Variants in POLA1 observed in about 807,000 individuals in gnomAD.
The protein encoded by POLA1 is DNA polymerase alpha 1, catalytic subunit, also known as DNA polymerase alpha catalytic subunit.
A neutral mutation model predicts 124.0 loss-of-function variants in POLA1; 15 were observed. The observed-to-expected ratio is 0.12, with a 90% CI of 0.08 to 0.19. The LOEUF is 0.19. Ranked by LOEUF, POLA1 falls within the 10% of genes least tolerant of loss-of-function variation. The pLI is 1.00. For missense variants in POLA1, 886 were observed against 1,103.4 expected, an observed-to-expected ratio of 0.80 and a Z score of 2.79; for synonymous variants, 408 against 389.4, an observed-to-expected ratio of 1.05 and a Z score of -0.56.
At chrX:24,850,963 A>G (rs1316268898) in intron 34 of POLA1, among the ~76,000 whole-genome samples, 1 of 111,902 alleles carries the variant, frequency 8.9e-6, no homozygotes, top group Non-Finnish European at 1.9e-5. Context: ...TTTTCAAGGT[A>G]TCTCCAAGGT....
intron 26 of POLA1, chrX:24,788,296 A>T: frequency 3.3e-6 from 3 of 917,657 alleles, no homozygotes; most frequent in Non-Finnish European, 4.4e-6. Context: ...TTCATCTAAG[A>T]TTGGGAACAA....
chrX:24,920,540 C>T (rs1393530735), intron 35 of POLA1, among the ~76,000 whole-genome samples: 1 of 111,844 alleles, frequency 8.9e-6, no homozygotes, highest in African/African-American at 3.3e-5. Flanking sequence ...CACAGAATGA[C>T]ATAGTTGAAA....
At chrX:24,910,930 T>G (rs1018105394) in intron 35 of POLA1, among the ~76,000 whole-genome samples, 1 of 112,441 alleles carries the variant, frequency 8.9e-6, no homozygotes, top group African/African-American at 3.2e-5. Context: ...ACCATCCACA[T>G]TCTTTTCAAG....
intron 35 of POLA1, among the ~76,000 whole-genome samples, chrX:24,902,792 A>C (rs1310410818): frequency 8.9e-6 from 1 of 112,355 alleles, no homozygotes; most frequent in Non-Finnish European, 1.9e-5. Flanking sequence ...GCAACACACA[A>C]AAACTTCATC....
intron 35 of POLA1, among the ~76,000 whole-genome samples, chrX:24,911,343 T>C (rs2047446716): frequency 9.0e-6 from 1 of 111,548 alleles, no homozygotes; most frequent in Non-Finnish European, 1.9e-5. Context: ...ATTCACCCAG[T>C]TGATAAAAAT....
intron 12 of POLA1, 128 bp from the exon 13 acceptor site, chrX:24,725,853 T>G: frequency 4.5e-6 from 2 of 446,648 alleles, no homozygotes; most frequent in East Asian, 3.9e-5. Flanking sequence ...AAGGGTACCT[T>G]TTTGGCTTCA....
intron 26 of POLA1, among the ~76,000 whole-genome samples, chrX:24,785,918 A>G (rs866448289): frequency 8.9e-5 from 10 of 112,210 alleles, no homozygotes; most frequent in Admixed American, 6.6e-4. Context: ...TTTGAGTTCA[A>G]TGTTTTTAGA....
intron 35 of POLA1, among the ~76,000 whole-genome samples, chrX:24,889,239 A>G (rs778072432): frequency 1.1e-4 from 12 of 111,402 alleles, no homozygotes; most frequent in Non-Finnish European, 2.1e-4. Flanking sequence ...ATGACTCCCA[A>G]CTAGAAAGCA....
intron 34 of POLA1, among the ~76,000 whole-genome samples, chrX:24,843,984 A>G (rs1675471353): frequency 9.0e-6 from 1 of 111,684 alleles, no homozygotes; most frequent in African/African-American, 3.3e-5. Context: ...CCTAAATAAG[A>G]CTAATTAAAT....
chrX:24,925,077 C>T (rs2047671491), intron 35 of POLA1, among the ~76,000 whole-genome samples: 1 of 112,059 alleles, frequency 8.9e-6, no homozygotes, highest in Non-Finnish European at 1.9e-5. Context: ...TGGTATGATA[C>T]CTAGATTTAA....
chrX:24,850,819 T>C (rs1293893173), intron 34 of POLA1, among the ~76,000 whole-genome samples: 1 of 112,154 alleles, frequency 8.9e-6, no homozygotes, highest in Non-Finnish European at 1.9e-5. Flanking sequence ...AGAAAGTGCC[T>C]AGAGAGAGCT....
chrX:24,860,825 A>G (rs747489325), intron 34 of POLA1, among the ~76,000 whole-genome samples: 1 of 112,212 alleles, frequency 8.9e-6, no homozygotes, highest in East Asian at 2.8e-4. Context: ...CCAAACAGAT[A>G]ACAAACCAAA....
At chrX:24,890,497 T>C (rs1208798870) in intron 35 of POLA1, among the ~76,000 whole-genome samples, 1 of 112,364 alleles carries the variant, frequency 8.9e-6, no homozygotes, top group Non-Finnish European at 1.9e-5. Context: ...TCTGCTTAAA[T>C]GATTTTTTCT....
chrX:24,715,073 G>A (rs1929732444), intron 5 of POLA1, 68 bp from the exon 6 acceptor site: 1 of 727,209 alleles, frequency 1.4e-6, no homozygotes, highest in African/African-American at 2.1e-5. Context: ...TCATATACAT[G>A]TGTGTAGTTT....
intron 36 of POLA1, among the ~76,000 whole-genome samples, chrX:24,994,144 G>A (rs1414697291): frequency 8.9e-6 from 1 of 112,536 alleles, no homozygotes. Flanking sequence ...GCCGACACTG[G>A]TTGGGGCCAT....
intron 26 of POLA1, among the ~76,000 whole-genome samples, chrX:24,774,868 G>T (rs1415837533): frequency 8.9e-6 from 1 of 111,952 alleles, no homozygotes; most frequent in African/African-American, 3.2e-5. Flanking sequence ...ACTTGTCAAG[G>T]GTTTATGGGA....
intron 34 of POLA1, among the ~76,000 whole-genome samples, chrX:24,866,997 G>T (rs1439747246): frequency 1.8e-5 from 2 of 111,520 alleles, no homozygotes; most frequent in Non-Finnish European, 3.8e-5. Flanking sequence ...TAAGCTAATT[G>T]TTTATGAAGG....
intron 35 of POLA1, among the ~76,000 whole-genome samples, chrX:24,921,520 C>T (rs1209076931): frequency 8.9e-6 from 1 of 112,076 alleles, no homozygotes; most frequent in Non-Finnish European, 1.9e-5. Flanking sequence ...TTTCTCTTGT[C>T]CCCTGATGTA....
At chrX:24,742,675 A>T (rs1931744765) in intron 22 of POLA1, among the ~76,000 whole-genome samples, 1 of 111,899 alleles carries the variant, frequency 8.9e-6, no homozygotes, top group African/African-American at 3.2e-5. Context: ...TTTAATGTAC[A>T]TTATCAAAAT....
Sources: gnomAD v4.1 joint callset for allele counts (sites outside exome capture counted in the v4.1 genomes callset) on GRCh38, gnomAD v4.1.1 for gene constraint, MANE v1.5 for transcripts, NCBI Gene and HGNC (gene_info 2026-07-23, HGNC 2026-07-21) for gene names.